The following FRYL variants were observed in gnomAD, a reference collection of about 807,000 sequenced individuals.
The protein encoded by FRYL is protein furry homolog-like.
In FRYL, 150 loss-of-function variants were observed where a neutral mutation model predicts 351.2. The ratio of observed to expected loss-of-function variants is 0.43; its 90% confidence interval spans 0.37 to 0.49. FRYL has a LOEUF of 0.49. FRYL is among the 20% of genes least tolerant of loss of function. The pLI, the probability that FRYL is intolerant of heterozygous loss-of-function variation, is 0.00. For synonymous variants in FRYL, 1,153 were observed against 1,257.1 expected (o/e 0.92, Z 1.75); for missense variants, 3,036 against 3,619.3 (o/e 0.84, Z 4.13).
chr4:48,572,327 T>A (rs748688230), intron 26 of FRYL, among the ~76,000 whole-genome samples: 39 of 152,232 alleles, frequency 2.6e-4, no homozygotes, highest in Non-Finnish European at 5.0e-4. Flanking sequence ...GGAACTACTG[T>A]TCTACTGGTT....
At position 48,567,495 on chromosome 4, in the gene FRYL, A is replaced by G. The variant is rs1737044659; in HGVS notation, c.2997-75T>C. On this transcript the variant is annotated intron_variant, in intron 27 of 63. Transcript: ENST00000358350. This position sits in a 1 kb window ranked among gnomAD's most constrained non-coding sequence, Gnocchi z 4.2. The stretch of plus-strand genomic sequence containing the variant: ...TTAAATAAAAAATTCTTAATACTCA[A>G]AATCAGAATAATACATGTTAATTTT... 3 of 1,059,910 alleles carry G rather than the reference A, an allele frequency of 2.8e-6. No individual in the cohort carries two copies. The highest frequency in any genetic ancestry group is 3.6e-5 in the South Asian group (2 of 56,112). 65.7% of individuals were successfully genotyped at this position (1,059,910 alleles called of 1,614,324 possible).
intron 1 of FRYL, among the ~76,000 whole-genome samples, chr4:48,732,614 A>C (rs1300154977): frequency 1.3e-5 from 2 of 152,204 alleles, no homozygotes; most frequent in Non-Finnish European, 2.9e-5. Context: ...GGATGAGTTC[A>C]TGTCCTTTGC....
At position 48,672,713 on chromosome 4, in the gene FRYL, T is replaced by A. The variant is rs113163190; in HGVS notation, c.-81+11960A>T. 4.1e-3 allele frequency among the ~76,000 whole-genome samples: 629 copies of A among 152,260 alleles called. 4 individuals are homozygous for A. Among genetic ancestry groups the A allele is most frequent in the African/African-American group, 0.014 (583 of 41,556 alleles). ...AATTCCAAACAATTCTCCACCTCCTTCAGTGTATCAAATCATAAGCATCTG... is the reference window on the plus strand; with the variant it reads ...AATTCCAAACAATTCTCCACCTCCTACAGTGTATCAAATCATAAGCATCTG... On this transcript the variant is annotated intron_variant, in intron 3 of 63. Coordinates refer to ENST00000358350, the MANE Select transcript of FRYL (RefSeq NM_015030.2).
intron 3 of FRYL, among the ~76,000 whole-genome samples, chr4:48,644,234 G>A (rs555863252): frequency 2.0e-5 from 3 of 152,208 alleles, no homozygotes; most frequent in South Asian, 2.1e-4. Flanking sequence ...GAGCCACCGC[G>A]CCTGGCCAGC....
chr4:48,699,146 G>A (rs1339584773), intron 2 of FRYL, among the ~76,000 whole-genome samples: 1 of 152,174 alleles, frequency 6.6e-6, no homozygotes, highest in Non-Finnish European at 1.5e-5. Context: ...TAAAGTATAA[G>A]CTGTTATATG....
Position 48,502,985 on chromosome 4 carries a change from TA to T in FRYL, c.8464-141del, listed in dbSNP as rs1235075234. ...TATATTTATACCCCAAAGAAAATTATACAAAGTTATTTCCAGAATAAAACTT... is the reference window on the plus strand; with the variant it reads ...TATATTTATACCCCAAAGAAAATTATCAAAGTTATTTCCAGAATAAAACTT... On this transcript the variant is annotated intron_variant, in intron 60 of 63. Transcript: ENST00000358350. 1.5e-5 allele frequency: 9 copies of T among 610,160 alleles called. No individual in the cohort carries two copies. The East Asian group carries it at 2.7e-4, about 18-fold the overall frequency. 37.8% of individuals were successfully genotyped at this position (610,160 alleles called of 1,614,324 possible). A position where few individuals can be genotyped will look rare whatever the true frequency, so the allele number is the denominator to read the frequency against.
intron 30 of FRYL, 61 bp downstream of exon 30, chr4:48,564,872 T>A (rs1322746498): frequency 1.1e-6 from 1 of 886,732 alleles, no homozygotes; most frequent in African/African-American, 1.7e-5. Context: ...GCAACATACA[T>A]TAACTGCAAA....
At chr4:48,619,782 G>A (rs1415316081) in intron 6 of FRYL, among the ~76,000 whole-genome samples, 1 of 152,176 alleles carries the variant, frequency 6.6e-6, no homozygotes, top group African/African-American at 2.4e-5. Flanking sequence ...ACAAGCATAA[G>A]TCACAGTGCC....
chr4:48,507,889 G>A (rs1219025506), intron 59 of FRYL, among the ~76,000 whole-genome samples: 3 of 152,312 alleles, frequency 2.0e-5, no homozygotes, highest in Middle Eastern at 3.4e-3. Flanking sequence ...CAGCCCCTGG[G>A]AGACTGAGAA....
chr4:48,613,179 A>G (rs993304001), intron 7 of FRYL, among the ~76,000 whole-genome samples: 2 of 152,216 alleles, frequency 1.3e-5, no homozygotes, highest in East Asian at 1.9e-4. Context: ...ATTTTATAAA[A>G]TATGTTAAAT....
intron 30 of FRYL, among the ~76,000 whole-genome samples, chr4:48,564,356 A>G (rs1339636436): frequency 2.0e-5 from 3 of 152,230 alleles, no homozygotes; most frequent in African/African-American, 2.4e-5. Flanking sequence ...CCCTGAAGGC[A>G]GTTAATGAAT....
rs1174186463 is a variant in FRYL at position 48,540,520 on chromosome 4, T to C, written c.6128A>G (p.Lys2043Arg). The C allele has an allele frequency of 1.9e-6, 3 of 1,613,982 alleles. No homozygotes were observed. The highest frequency in any genetic ancestry group is 2.5e-6 in the Non-Finnish European group (3 of 1,179,968). Residue 2043 changes from lysine to arginine, a missense_variant, in exon 46 of 64, where the codon AAG (lysine) becomes AGG (arginine). Physicochemically the swap from Lys to Arg is conservative, Grantham distance 26. Transcript: ENST00000358350. ...CAATTTGCTTTGTACATTTTCAATC[T>C]TCTCTCGACTCTCTGATTTATCCAA... is the stretch of plus-strand genomic sequence containing the variant. ...LPLDKSESRE[K>R]IENVQSKLKW...
intron 2 of FRYL, among the ~76,000 whole-genome samples, chr4:48,688,093 C>G (rs1350351018): frequency 6.6e-6 from 1 of 152,128 alleles, no homozygotes; most frequent in Non-Finnish European, 1.5e-5. Context: ...TTACATTATA[C>G]TTGAATACTA....
In FRYL at chr4:48,590,839, G is replaced by GA. The variant is rs781341245; in HGVS notation, c.1336-10dup. ...AGACCTATGTTCATTCTCTTCAAAG[G>GA]AAAAAAATGCAAAAGGAAGAGATGA... On this transcript the variant is annotated splice_polypyrimidine_tract_variant and intron_variant, in intron 16 of 63. Transcript: ENST00000358350. The GA allele has an allele frequency of 7.6e-6, 12 of 1,583,482 alleles. No homozygotes were observed. The African/African-American group carries it at 1.1e-4, about 14-fold the overall frequency.
At chr4:48,769,849 T>C (rs1578982296) in intron 1 of FRYL, among the ~76,000 whole-genome samples, 1 of 152,214 alleles carries the variant, frequency 6.6e-6, no homozygotes, top group East Asian at 1.9e-4. Context: ...TATGATTCCA[T>C]TTATGAGACA....
intron 1 of FRYL, among the ~76,000 whole-genome samples, chr4:48,754,321 C>A (rs1463219484): frequency 1.3e-5 from 2 of 152,122 alleles, no homozygotes; most frequent in African/African-American, 4.8e-5. Context: ...GTTAGTACTT[C>A]ATTTTTATGG....
At chr4:48,650,406 C>G (rs1476133210) in intron 3 of FRYL, among the ~76,000 whole-genome samples, 1 of 152,084 alleles carries the variant, frequency 6.6e-6, no homozygotes, top group Non-Finnish European at 1.5e-5. Context: ...AGCTTACACT[C>G]AAGTAGCAGA....
intron 2 of FRYL, among the ~76,000 whole-genome samples, chr4:48,686,591 G>A (rs1765173561): frequency 6.6e-6 from 1 of 152,100 alleles, no homozygotes; most frequent in African/African-American, 2.4e-5. Context: ...TGAGATTTAA[G>A]CTATCTTTCA....
At chr4:48,684,582 T>C (rs558219274) in intron 3 of FRYL, 91 bp downstream of exon 3, 2 of 152,356 alleles carry the variant, frequency 1.3e-5, no homozygotes, top group African/African-American at 4.8e-5. Flanking sequence ...CAAGAAATTA[T>C]AGTAGAACCT....
Sources: gnomAD v4.1 joint callset for allele counts (sites outside exome capture counted in the v4.1 genomes callset) on GRCh38, gnomAD v4.1.1 for gene constraint, Gnocchi (gnomAD v3.1) non-coding constraint, MANE v1.5 for transcripts, NCBI Gene and HGNC (gene_info 2026-07-23, HGNC 2026-07-21) for gene names.